Variants in TNFAIP8 observed in about 807,000 individuals in gnomAD.
TNFAIP8 encodes TNF alpha induced protein 8.
Under a neutral mutation model 13.3 loss-of-function variants are expected in TNFAIP8, and 7 were observed. The observed-to-expected ratio is 0.52, with a 90% CI of 0.30 to 0.99. The LOEUF (loss-of-function observed/expected upper bound fraction) is 0.99. TNFAIP8 is among the 50% of genes least tolerant of loss of function. The probability of loss-of-function intolerance (pLI) is 0.07; values close to 1 mark genes in which losing one functional copy is unlikely to be tolerated. For synonymous variants in TNFAIP8, 94 were observed against 87.6 expected (o/e 1.07, Z -0.41); for missense variants, 258 against 236.9 (o/e 1.09, Z -0.58).
At position 119,372,853 on chromosome 5, in the gene TNFAIP8, C is replaced by T. The variant is rs190280517; in HGVS notation, c.31+16732C>T. On this transcript the variant is annotated intron_variant, in intron 1 of 1. Coordinates refer to ENST00000504771, the MANE Select transcript of TNFAIP8 (RefSeq NM_014350.4). ...GCGCACACCTGTAATCCCAGCTACTCGGGAGGCTGAGGCAGGGGAATCGCT... is the reference window on the plus strand; with the variant it reads ...GCGCACACCTGTAATCCCAGCTACTTGGGAGGCTGAGGCAGGGGAATCGCT... Among the ~76,000 whole-genome samples, 70 of 152,110 alleles carry T rather than the reference C, an allele frequency of 4.6e-4. 1 individual carries two copies. The highest frequency in any genetic ancestry group is 1.4e-3 in the African/African-American group (58 of 41,494).
intron 1 of TNFAIP8, among the ~76,000 whole-genome samples, chr5:119,311,696 A>AC (rs1409011228): frequency 6.6e-6 from 1 of 151,100 alleles, no homozygotes; most frequent in African/African-American, 2.4e-5. Flanking sequence ...CTCAAAAAAA[A>AC]AAAAAAAAAA....
intron 1 of TNFAIP8, among the ~76,000 whole-genome samples, chr5:119,292,096 C>G (rs186032132): frequency 6.6e-6 from 1 of 152,086 alleles, no homozygotes; most frequent in African/African-American, 2.4e-5. Flanking sequence ...ATGAGAGTTC[C>G]CCAGTTCCCC....
At chr5:119,318,419 G>T (rs776782314) in intron 1 of TNFAIP8, among the ~76,000 whole-genome samples, 1 of 151,994 alleles carries the variant, frequency 6.6e-6, no homozygotes, top group African/African-American at 2.4e-5. Context: ...TTCCTGTGTC[G>T]CTGGGACTAT....
intron 1 of TNFAIP8, among the ~76,000 whole-genome samples, chr5:119,284,365 C>T (rs1407306715): frequency 6.6e-6 from 1 of 151,846 alleles, no homozygotes; most frequent in Non-Finnish European, 1.5e-5. Flanking sequence ...AAAAAAAAAT[C>T]TTTTGAACAG....
upstream of TNFAIP8, chr5:119,355,816 C>T (rs1751380338): frequency 2.4e-6 from 2 of 849,704 alleles, no homozygotes; most frequent in Admixed American, 5.5e-5. Context: ...GAGCCAGCCC[C>T]GCCAGGTCGC....
At chr5:119,299,502 T>C (rs1429561085) in intron 1 of TNFAIP8, among the ~76,000 whole-genome samples, 2 of 152,070 alleles carry the variant, frequency 1.3e-5, no homozygotes, top group Admixed American at 1.3e-4. Flanking sequence ...CCGTGTGAGG[T>C]GTCAGTCTGC....
chr5:119,278,142 T>G (rs1042172121), intron 1 of TNFAIP8, among the ~76,000 whole-genome samples: 2 of 152,072 alleles, frequency 1.3e-5, no homozygotes, highest in African/African-American at 2.4e-5. Flanking sequence ...GTAAAGACAT[T>G]AAATTGTCTT....
Position 119,399,182 on chromosome 5 carries a change from G to A in TNFAIP8, c.*5801G>A, listed in dbSNP as rs1017952281. 6 of 152,256 alleles carry A rather than the reference G, an allele frequency of 3.9e-5. No individual in the cohort carries two copies. The highest frequency in any genetic ancestry group is 7.2e-5 in the African/African-American group (3 of 41,552). The allele number at this position is 152,256 out of a possible 1,614,324, so 9.4% of individuals were successfully genotyped here. The stretch of plus-strand genomic sequence containing the variant: ...GAAACGTTCCATGGTATTTTCAAAC[G>A]CCACGTGTCAGGAATTTGGCATGCC... On this transcript the variant is annotated 3_prime_UTR_variant, in exon 2 of 2. Transcript: ENST00000504771.
At chr5:119,304,111 T>C (rs1189731569) in intron 1 of TNFAIP8, among the ~76,000 whole-genome samples, 2 of 152,112 alleles carry the variant, frequency 1.3e-5, no homozygotes, top group Non-Finnish European at 2.9e-5. Flanking sequence ...TTTTTTCAAA[T>C]TTAAGTTTAA....
intron 1 of TNFAIP8, among the ~76,000 whole-genome samples, chr5:119,299,315 T>G (rs561577882): frequency 0.01 from 1,541 of 152,290 alleles, 17 homozygotes; most frequent in African/African-American, 0.035. Flanking sequence ...TTGTTAGTTT[T>G]CCTTCTAACA....
At chr5:119,384,180 G>A (rs1428527370) in intron 1 of TNFAIP8, among the ~76,000 whole-genome samples, 2 of 152,126 alleles carry the variant, frequency 1.3e-5, no homozygotes, top group South Asian at 2.1e-4. Flanking sequence ...TAGGGTTGCC[G>A]TAAAGCTTCA....
At chr5:119,349,769 G>C (rs1168774952) in intron 1 of TNFAIP8, among the ~76,000 whole-genome samples, 1 of 152,232 alleles carries the variant, frequency 6.6e-6, no homozygotes, top group Non-Finnish European at 1.5e-5. Context: ...TTAAAGCTGT[G>C]ATCAAGTCAT....
At chr5:119,302,446 G>T (rs1383353987) in intron 1 of TNFAIP8, among the ~76,000 whole-genome samples, 1 of 152,072 alleles carries the variant, frequency 6.6e-6, no homozygotes. Context: ...TATGTTTTCA[G>T]CTAGTCACTG....
At chr5:119,378,816 G>A (rs1752375470) in intron 1 of TNFAIP8, among the ~76,000 whole-genome samples, 1 of 152,218 alleles carries the variant, frequency 6.6e-6, no homozygotes, top group Non-Finnish European at 1.5e-5. Context: ...GTTCACGCCT[G>A]TAATCCCAGT....
At chr5:119,369,281 T>A (rs2112808775) in intron 1 of TNFAIP8, among the ~76,000 whole-genome samples, 1 of 152,276 alleles carries the variant, frequency 6.6e-6, no homozygotes, top group African/African-American at 2.4e-5. Flanking sequence ...CTCGAACTCA[T>A]GACCTCAAGT....
chr5:119,272,623 A>G (rs1451105562), intron 1 of TNFAIP8, among the ~76,000 whole-genome samples: 1 of 152,236 alleles, frequency 6.6e-6, no homozygotes, highest in African/African-American at 2.4e-5. Flanking sequence ...TACATCAGAC[A>G]TAAGTTACCT....
At chr5:119,311,005 T>C (rs917631269) in intron 1 of TNFAIP8, among the ~76,000 whole-genome samples, 1 of 152,108 alleles carries the variant, frequency 6.6e-6, no homozygotes, top group Non-Finnish European at 1.5e-5. Flanking sequence ...GTTCATTTTA[T>C]CTGTTTTTTG....
Position 119,394,934 on chromosome 5 carries a change from G to T in TNFAIP8, c.*1553G>T, listed in dbSNP as rs945083745. ...TAGTGTACTCTCTTGCCTTAAATTT[G>T]CCTGCCTCCCAGAATATTGACATTA... On this transcript the variant is annotated 3_prime_UTR_variant, in exon 2 of 2. Coordinates refer to ENST00000504771, the MANE Select transcript of TNFAIP8 (RefSeq NM_014350.4). 1 of 151,962 alleles carries T rather than the reference G, an allele frequency of 6.6e-6. No homozygotes were observed. Among genetic ancestry groups the T allele is most frequent in the Non-Finnish European group, 1.5e-5 (1 of 68,000 alleles). 9.4% of individuals were successfully genotyped at this position (151,962 alleles called of 1,614,324 possible). A position where few individuals can be genotyped will look rare whatever the true frequency, so the allele number is the denominator to read the frequency against.
chr5:119,279,203 C>T (rs370958326), intron 1 of TNFAIP8, among the ~76,000 whole-genome samples: 2 of 152,202 alleles, frequency 1.3e-5, no homozygotes, highest in Non-Finnish European at 2.9e-5. Flanking sequence ...AAGTAACATG[C>T]TGTGAATGCC....
Sources: allele counts gnomAD v4.1 joint callset (sites outside exome capture counted in the v4.1 genomes callset), GRCh38; gene constraint gnomAD v4.1.1; transcripts MANE v1.5; gene names NCBI Gene and HGNC (gene_info 2026-07-23, HGNC 2026-07-21).